The following ROBO1 variants were observed in gnomAD, a reference collection of about 807,000 sequenced individuals.
The protein encoded by ROBO1 is roundabout guidance receptor 1.
A neutral mutation model predicts 195.9 loss-of-function variants in ROBO1; 149 were observed. The ratio of observed to expected loss-of-function variants is 0.76; its 90% CI spans 0.67 to 0.87. ROBO1 has a LOEUF of 0.87. ROBO1 is among the 40% of genes least tolerant of loss of function. ROBO1 has a pLI of 0.00. For missense variants in ROBO1, 1,933 were observed against 2,068.3 expected (o/e 0.93, Z 1.27); for synonymous variants, 816 against 733.2 (o/e 1.11, Z -1.82).
chr3:79,432,510 G>A (rs1408273298), intron 2 of ROBO1, among the ~76,000 whole-genome samples: 1 of 152,116 alleles, frequency 6.6e-6, no homozygotes, highest in South Asian at 2.1e-4. Context: ...TCCTAATCAT[G>A]AGGCATTTAA....
intron 21 of ROBO1, among the ~76,000 whole-genome samples, chr3:78,643,963 G>C (rs1217602829): frequency 6.6e-6 from 1 of 152,062 alleles, no homozygotes; most frequent in East Asian, 1.9e-4. Flanking sequence ...GAAGGTTTTG[G>C]CTTTGGTGTC....
intron 2 of ROBO1, among the ~76,000 whole-genome samples, chr3:79,138,134 T>C (rs776290117): frequency 7.2e-5 from 11 of 152,146 alleles, no homozygotes; most frequent in Middle Eastern, 3.4e-3. Context: ...TCAAGATACA[T>C]TGAGATTTTT....
intron 2 of ROBO1, among the ~76,000 whole-genome samples, chr3:79,262,444 G>C (rs2082957182): frequency 6.6e-6 from 1 of 152,002 alleles, no homozygotes; most frequent in Admixed American, 6.6e-5. Context: ...ATCTGCATTT[G>C]ATATTTAGAG....
intron 2 of ROBO1, among the ~76,000 whole-genome samples, chr3:79,239,473 G>A (rs563599960): frequency 1.8e-4 from 28 of 152,206 alleles, no homozygotes; most frequent in South Asian, 1.5e-3. Flanking sequence ...CTAAACATAC[G>A]CTTCTAATTT....
chr3:78,775,110 T>C (rs2083470984), intron 4 of ROBO1, among the ~76,000 whole-genome samples: 1 of 152,196 alleles, frequency 6.6e-6, no homozygotes, highest in Admixed American at 6.5e-5. Flanking sequence ...TTCCCTTGTA[T>C]AAGATGTCAG....
At chr3:79,284,535 T>C (rs1473022404) in intron 2 of ROBO1, among the ~76,000 whole-genome samples, 1 of 152,180 alleles carries the variant, frequency 6.6e-6, no homozygotes, top group Non-Finnish European at 1.5e-5. Flanking sequence ...TTAAAATAAC[T>C]GTATCTTTAT....
intron 1 of ROBO1, among the ~76,000 whole-genome samples, chr3:79,710,723 AC>A (rs1339146235): frequency 6.6e-6 from 1 of 152,118 alleles, no homozygotes; most frequent in Non-Finnish European, 1.5e-5. Flanking sequence ...AGAGAATGAA[AC>A]CAAAAACTAG....
In ROBO1 at chr3:78,875,729, C is replaced by G. The variant is rs368704316; in HGVS notation, c.499+62872G>C. 4.7e-4 allele frequency among the ~76,000 whole-genome samples: 71 copies of G among 152,044 alleles called. 1 individual carries two copies. In the South Asian group the frequency reaches 8.5e-3, roughly 18 times the overall value. ...TTCAATTTGGTTTTAGGAAGCAAAA[C>G]GTTACAGAGAGAAGCATGAAAATCT... is the stretch of plus-strand genomic sequence containing the variant. On this transcript the variant is annotated intron_variant, in intron 4 of 30. Coordinates refer to ENST00000464233, the MANE Select transcript of ROBO1 (RefSeq NM_002941.4).
intron 2 of ROBO1, among the ~76,000 whole-genome samples, chr3:79,171,668 A>G (rs1468554817): frequency 3.9e-5 from 6 of 152,284 alleles, no homozygotes; most frequent in Non-Finnish European, 5.9e-5. Context: ...GTTCTGGCAT[A>G]TATCTTTAGT....
chr3:79,577,702 C>A (rs1457614960), intron 2 of ROBO1, among the ~76,000 whole-genome samples: 1 of 146,822 alleles, frequency 6.8e-6, no homozygotes, highest in Non-Finnish European at 1.5e-5. Context: ...ATGAAGAAAT[C>A]CTGTCTTTAC....
At chr3:79,281,561 C>A (rs922774248) in intron 2 of ROBO1, among the ~76,000 whole-genome samples, 2 of 152,012 alleles carry the variant, frequency 1.3e-5, no homozygotes, top group African/African-American at 4.8e-5. Context: ...ATATTCTGTG[C>A]TCAATACTAT....
chr3:79,240,721 A>T (rs1306963521), intron 2 of ROBO1, among the ~76,000 whole-genome samples: 1 of 152,112 alleles, frequency 6.6e-6, no homozygotes, highest in Non-Finnish European at 1.5e-5. Flanking sequence ...ATCAGGGCTC[A>T]CTGAAGGCTT....
rs554692664 is a variant in ROBO1 at position 79,417,259 on chromosome 3, C to A, written c.88+172565G>T. 3.9e-4 allele frequency among the ~76,000 whole-genome samples: 60 copies of A among 152,196 alleles called. 1 individual carries two copies. Among genetic ancestry groups the A allele is most frequent in the African/African-American group, 1.4e-3 (59 of 41,550 alleles). The stretch of plus-strand genomic sequence containing the variant: ...TTTTTGATCATTCACCCTGGGGAAG[C>A]CAGCCACCATATTGTGAGAAATCTG... On this transcript the variant is annotated intron_variant, in intron 2 of 30. Coordinates refer to ENST00000464233, the MANE Select transcript of ROBO1 (RefSeq NM_002941.4).
chr3:79,661,755 T>C (rs1946334987), intron 1 of ROBO1, among the ~76,000 whole-genome samples: 1 of 152,056 alleles, frequency 6.6e-6, no homozygotes, highest in African/African-American at 2.4e-5. Context: ...AGAAAATTTC[T>C]TATTCAATGT....
chr3:79,293,634 T>C (rs111681878), intron 2 of ROBO1, among the ~76,000 whole-genome samples: 41,223 of 152,010 alleles, frequency 0.27, 6,605 homozygotes, highest in African/African-American at 0.45. Flanking sequence ...GCAGAGGACA[T>C]GAACAAATGG....
intron 3 of ROBO1, among the ~76,000 whole-genome samples, chr3:79,076,243 T>C (rs913620384): frequency 1.4e-5 from 2 of 147,460 alleles, no homozygotes; most frequent in African/African-American, 4.9e-5. Context: ...TATATAAATA[T>C]AAGTATATAT....
chr3:78,621,107 A>G (rs1410961709), intron 26 of ROBO1, among the ~76,000 whole-genome samples: 1 of 151,968 alleles, frequency 6.6e-6, no homozygotes, highest in African/African-American at 2.4e-5. Context: ...GTGGTTTTTA[A>G]AGTGTCTGTG....
Position 78,625,321 on chromosome 3 carries a change from T to C in ROBO1, c.3875+2000A>G, listed in dbSNP as rs373411503. Among the ~76,000 whole-genome samples the C allele has an allele frequency of 5.3e-5, 8 of 152,322 alleles. No individual in the cohort carries two copies. In the East Asian group the frequency reaches 1.2e-3, roughly 22 times the overall value. ...GAGGATAACTAAGCTGATTTCAAAA[T>C]GACAAAGGTATTGTTTATGATTTTT... On this transcript the variant is annotated intron_variant, in intron 26 of 30. Transcript: ENST00000464233.
intron 3 of ROBO1, among the ~76,000 whole-genome samples, chr3:79,109,925 T>C (rs1478287773): frequency 6.6e-6 from 1 of 152,118 alleles, no homozygotes; most frequent in Non-Finnish European, 1.5e-5. Flanking sequence ...ATTGGATAAC[T>C]GTGGTAATTT....
Sources: gnomAD v4.1 joint callset for allele counts (sites outside exome capture counted in the v4.1 genomes callset) on GRCh38, gnomAD v4.1.1 for gene constraint, MANE v1.5 for transcripts, NCBI Gene and HGNC (gene_info 2026-07-23, HGNC 2026-07-21) for gene names.